TMEM131: variants seen among roughly 807,000 people sequenced by gnomAD.
The protein encoded by TMEM131 is 2610524E03Rik.
Under a neutral mutation model 211.6 loss-of-function variants are expected in TMEM131, and 66 were observed. That is an observed-to-expected ratio of 0.31 (90% CI 0.26 to 0.38). The LOEUF (loss-of-function observed/expected upper bound fraction) is 0.38, where lower values mean the gene tolerates loss of function less well. Ranked by LOEUF, TMEM131 falls within the 10% of genes least tolerant of loss-of-function variation. TMEM131 has a pLI of 1.00. For missense variants in TMEM131, 2,036 were observed against 2,299.3 expected (o/e 0.89, Z 2.34); for synonymous variants, 844 against 841.3 (o/e 1.00, Z -0.06).
At chr2:97,827,979 ACT>A (rs1682479821) in intron 11 of TMEM131, among the ~76,000 whole-genome samples, 2 of 151,484 alleles carry the variant, frequency 1.3e-5, no homozygotes, top group African/African-American at 4.9e-5. Context: ...AAAGAAAACC[ACT>A]CTTTGATCAT....
chr2:97,788,129 C>T (rs1300312347), intron 31 of TMEM131, among the ~76,000 whole-genome samples: 1 of 152,196 alleles, frequency 6.6e-6, no homozygotes, highest in African/African-American at 2.4e-5. Context: ...CCCTGCCCCA[C>T]AGAACTCCAG....
intron 4 of TMEM131, among the ~76,000 whole-genome samples, chr2:97,885,907 A>G (rs932343524): frequency 5.9e-5 from 9 of 152,174 alleles, no homozygotes; most frequent in Middle Eastern, 3.2e-3. Context: ...TGGAATGACC[A>G]TAATATATTT....
intron 1 of TMEM131, among the ~76,000 whole-genome samples, chr2:97,932,033 T>C (rs2104458076): frequency 6.6e-6 from 1 of 152,092 alleles, no homozygotes; most frequent in South Asian, 2.1e-4. Context: ...AGATAAGAAA[T>C]TCTGGTTAGG....
At chr2:97,776,083 T>C (rs1412670775) in intron 31 of TMEM131, 65 bp from the exon 32 acceptor site, 1 of 1,521,262 alleles carries the variant, frequency 6.6e-7, no homozygotes, top group African/African-American at 1.4e-5. Context: ...AGATGGAGTC[T>C]TGCTCTGTCA....
rs1256502590 is a variant in TMEM131, at chr2:97,756,416, A to AGACTT, written c.*678_*682dup. On this transcript the variant is annotated 3_prime_UTR_variant, in exon 41 of 41. Coordinates refer to ENST00000186436, the MANE Select transcript of TMEM131 (RefSeq NM_015348.2). ...AATACACATTCAATCTTGTATCTCA[A>AGACTT]GACTTGGCTATGTGCATTTCAGTTC... The AGACTT allele has an allele frequency of 2.6e-5, 4 of 152,380 alleles. No individual in the cohort carries two copies. The highest frequency in any genetic ancestry group is 4.1e-4 in the South Asian group (2 of 4,832). The allele number at this position is 152,380 out of a possible 1,614,324, so 9.4% of individuals were successfully genotyped here. A position where few individuals can be genotyped will look rare whatever the true frequency, so the allele number is the denominator to read the frequency against.
intron 2 of TMEM131, among the ~76,000 whole-genome samples, chr2:97,918,891 T>G (rs1223712052): frequency 2.0e-5 from 3 of 152,244 alleles, no homozygotes; most frequent in African/African-American, 7.2e-5. Context: ...GTATTGCAGT[T>G]ACATGTGATT....
intron 1 of TMEM131, among the ~76,000 whole-genome samples, chr2:97,965,024 G>A (rs1460061152): frequency 6.6e-6 from 1 of 152,154 alleles, no homozygotes; most frequent in Non-Finnish European, 1.5e-5. Context: ...TCTCCTTATT[G>A]CCTTCATGTC....
At chr2:97,857,725 C>T (rs1386213345) in intron 5 of TMEM131, among the ~76,000 whole-genome samples, 1 of 152,070 alleles carries the variant, frequency 6.6e-6, no homozygotes, top group African/African-American at 2.4e-5. Flanking sequence ...TGATATAAAT[C>T]ACTGGGGATG....
intron 2 of TMEM131, among the ~76,000 whole-genome samples, chr2:97,919,113 A>G (rs1303425927): frequency 6.6e-6 from 1 of 152,230 alleles, no homozygotes; most frequent in Admixed American, 6.5e-5. Flanking sequence ...ACCCAGGTAG[A>G]AGTTGTCAAG....
chr2:97,942,740 G>A (rs1677800534), intron 1 of TMEM131, among the ~76,000 whole-genome samples: 1 of 151,926 alleles, frequency 6.6e-6, no homozygotes, highest in Non-Finnish European at 1.5e-5. Flanking sequence ...AATAGCCTAG[G>A]GACAGGTGGC....
At chr2:97,942,074 C>A (rs1488571951) in intron 1 of TMEM131, among the ~76,000 whole-genome samples, 1 of 152,008 alleles carries the variant, frequency 6.6e-6, no homozygotes, top group Non-Finnish European at 1.5e-5. Context: ...TGGAACCAAC[C>A]CAAATGTCCA....
intron 31 of TMEM131, 57 bp from the exon 32 acceptor site, chr2:97,776,075 A>G: frequency 6.5e-7 from 1 of 1,545,544 alleles, no homozygotes; most frequent in Non-Finnish European, 8.7e-7. Flanking sequence ...TTTTTTTGAG[A>G]TGGAGTCTTG....
At chr2:97,892,718 C>T (rs1327103632) in intron 3 of TMEM131, among the ~76,000 whole-genome samples, 2 of 152,052 alleles carry the variant, frequency 1.3e-5, no homozygotes, top group Non-Finnish European at 2.9e-5. Flanking sequence ...GTCCAGTTTG[C>T]AAATATTTCT....
At chr2:97,949,507 C>T (rs1279456517) in intron 1 of TMEM131, among the ~76,000 whole-genome samples, 2 of 152,062 alleles carry the variant, frequency 1.3e-5, no homozygotes, top group African/African-American at 4.8e-5. Context: ...AATTATACCT[C>T]AATAAATCTG....
At chr2:97,966,502 T>C (rs1427620951) in intron 1 of TMEM131, among the ~76,000 whole-genome samples, 1 of 152,150 alleles carries the variant, frequency 6.6e-6, no homozygotes, top group Non-Finnish European at 1.5e-5. Context: ...CCCTTCTTCA[T>C]CTCTTAGGTT....
Position 97,787,421 on chromosome 2 carries a change from G to C in TMEM131, c.4144+4965C>G, listed in dbSNP as rs972016977. ...CCCTGTCATATCAGTGACAGCACCT[G>C]AGAGGGACATCTCTGGACAACCTCC... On this transcript the variant is annotated intron_variant, in intron 31 of 40. Coordinates refer to ENST00000186436, the MANE Select transcript of TMEM131 (RefSeq NM_015348.2). 3.9e-5 allele frequency among the ~76,000 whole-genome samples: 6 copies of C among 152,202 alleles called. 1 individual carries two copies. The highest frequency in any genetic ancestry group is 8.8e-5 in the Non-Finnish European group (6 of 68,042).
chr2:97,775,798 CCTCT>C (rs1273540613), intron 32 of TMEM131, 41 bp downstream of exon 32: 1 of 1,571,872 alleles, frequency 6.4e-7, no homozygotes, highest in Admixed American at 1.9e-5. Flanking sequence ...CTGCAGGAGA[CCTCT>C]CTTTCTCCCT....
intron 1 of TMEM131, among the ~76,000 whole-genome samples, chr2:97,954,596 G>C (rs1049710636): frequency 3.2e-4 from 49 of 152,156 alleles, no homozygotes; most frequent in African/African-American, 8.9e-4. Context: ...CCTGAGGTCA[G>C]GAGTTCGAGA....
chr2:97,779,715 G>T (rs1370387928), intron 31 of TMEM131, among the ~76,000 whole-genome samples: 1 of 152,180 alleles, frequency 6.6e-6, no homozygotes, highest in African/African-American at 2.4e-5. Flanking sequence ...AATAATGTAT[G>T]GTCAATTTAG....
Sources: allele counts gnomAD v4.1 joint callset (sites outside exome capture counted in the v4.1 genomes callset), GRCh38; gene constraint gnomAD v4.1.1; transcripts MANE v1.5; gene names NCBI Gene and HGNC (gene_info 2026-07-23, HGNC 2026-07-21).